XPO6: variants seen among roughly 807,000 people sequenced by gnomAD.
The protein encoded by XPO6 is exportin 6.
In XPO6, 3 loss-of-function variants were observed where a neutral mutation model predicts 130.0. The observed-to-expected ratio is 0.02, with a 90% CI of 0.01 to 0.06. The LOEUF is 0.06. Ranked by LOEUF, XPO6 falls within the 10% of genes least tolerant of loss-of-function variation. The probability of loss-of-function intolerance (pLI) is 1.00; values close to 1 mark genes in which losing one functional copy is unlikely to be tolerated. For synonymous variants in XPO6, 524 were observed against 548.9 expected (o/e 0.95, Z 0.63); for missense variants, 970 against 1,393.0 (o/e 0.70, Z 4.83).
chr16:28,128,724 G>T (rs574584298), intron 12 of XPO6, among the ~76,000 whole-genome samples: 1 of 152,056 alleles, frequency 6.6e-6, no homozygotes, highest in Non-Finnish European at 1.5e-5. Flanking sequence ...CCTGGACCTC[G>T]GCTGAATGCT....
intron 9 of XPO6, among the ~76,000 whole-genome samples, chr16:28,141,572 G>C (rs1436012473): frequency 6.6e-6 from 1 of 152,114 alleles, no homozygotes; most frequent in Non-Finnish European, 1.5e-5. Context: ...TCAAAATACA[G>C]ATCAGGATGA....
intron 2 of XPO6, 138 bp from the exon 3 acceptor site, chr16:28,177,470 TAGAA>T: frequency 1.9e-6 from 1 of 535,232 alleles, no homozygotes; most frequent in Non-Finnish European, 3.4e-6. Flanking sequence ...TTCTTTAAGA[TAGAA>T]AGAATAAATC....
rs531375929 is a variant in XPO6, at chr16:28,191,231, G to A, written c.4-10200C>T. On this transcript the variant is annotated intron_variant, in intron 1 of 23. Coordinates refer to ENST00000304658, the MANE Select transcript of XPO6 (RefSeq NM_015171.4). The stretch of plus-strand genomic sequence containing the variant: ...GGGCAACAAACCATATCCACTAGGA[G>A]CTAAAATACATATATTTTATATACT... 5.9e-5 allele frequency among the ~76,000 whole-genome samples: 9 copies of A among 152,226 alleles called. No individual in the cohort carries two copies. In the South Asian group the frequency reaches 1.9e-3, roughly 32 times the overall value.
chr16:28,170,066 C>CT (rs775667885), intron 4 of XPO6, among the ~76,000 whole-genome samples, 157 bp from the exon 5 acceptor site: 8 of 152,134 alleles, frequency 5.3e-5, no homozygotes, highest in Admixed American at 2.6e-4. Context: ...GCTCCAATGG[C>CT]TCACGCCTGT....
intron 1 of XPO6, among the ~76,000 whole-genome samples, chr16:28,203,618 T>C (rs2043984755): frequency 6.6e-6 from 1 of 152,208 alleles, no homozygotes; most frequent in Non-Finnish European, 1.5e-5. Flanking sequence ...TTACATGTTA[T>C]CGCTTCCATT....
chr16:28,211,417 A>G lies in XPO6; in HGVS notation c.-49T>C. ...AGATGAGCTGGTTCTTGGGCTTCGG[A>G]CACGTCCCGCTCGCACAGTTCAGGT... On this transcript the variant is annotated 5_prime_UTR_variant, in exon 1 of 24. Transcript: ENST00000304658. 1 of 1,311,148 alleles carries G rather than the reference A, an allele frequency of 7.6e-7. No individual in the cohort carries two copies. The highest frequency in any genetic ancestry group is 9.8e-7 in the Non-Finnish European group (1 of 1,021,246). The allele number at this position is 1,311,148 out of a possible 1,614,324, so 81.2% of individuals were successfully genotyped here. A position where few individuals can be genotyped will look rare whatever the true frequency, so the allele number is the denominator to read the frequency against.
At chr16:28,152,540 CATA>C in intron 8 of XPO6, 116 bp downstream of exon 8, 1 of 1,245,542 alleles carries the variant, frequency 8.0e-7, no homozygotes, top group South Asian at 1.6e-5. Context: ...TGACTCTTCA[CATA>C]ATAAGCATTA....
chr16:28,174,418 T>C (rs1400465641), intron 4 of XPO6, among the ~76,000 whole-genome samples: 6 of 152,158 alleles, frequency 3.9e-5, no homozygotes, highest in Admixed American at 3.3e-4. Context: ...TCCAAGTGTG[T>C]ACCTGTTTAT....
chr16:28,149,967 T>C (rs944160231), intron 8 of XPO6, among the ~76,000 whole-genome samples: 10 of 152,214 alleles, frequency 6.6e-5, no homozygotes, highest in Admixed American at 4.6e-4. Context: ...CTTGAGATCA[T>C]TTAATTTCTT....
intron 1 of XPO6, among the ~76,000 whole-genome samples, chr16:28,203,146 A>C (rs902113445): frequency 6.6e-6 from 1 of 152,090 alleles, no homozygotes; most frequent in Non-Finnish European, 1.5e-5. Flanking sequence ...ATGGTGATGC[A>C]TACGTATAGT....
intron 10 of XPO6, 93 bp downstream of exon 10, chr16:28,135,123 C>G: frequency 9.8e-7 from 1 of 1,022,516 alleles, no homozygotes. Context: ...TCAGAACAGT[C>G]TTCGGAGCAG....
intron 1 of XPO6, among the ~76,000 whole-genome samples, chr16:28,186,053 A>T (rs1000345430): frequency 3.3e-5 from 5 of 152,234 alleles, no homozygotes; most frequent in Non-Finnish European, 7.4e-5. Flanking sequence ...AGGGACTACT[A>T]AGTCCACCAA....
intron 1 of XPO6, among the ~76,000 whole-genome samples, chr16:28,196,689 T>C (rs2043869303): frequency 6.6e-6 from 1 of 152,154 alleles, no homozygotes; most frequent in Non-Finnish European, 1.5e-5. Flanking sequence ...GATAAAAAGA[T>C]TAATGCCCTC....
intron 12 of XPO6, 29 bp from the exon 13 acceptor site, chr16:28,125,877 C>T: frequency 6.2e-7 from 1 of 1,604,372 alleles, no homozygotes; most frequent in Non-Finnish European, 8.5e-7. Flanking sequence ...GACAGTTTTT[C>T]ACAGGAAGAC....
chr16:28,184,551 G>A (rs1365952970), intron 1 of XPO6, among the ~76,000 whole-genome samples: 2 of 150,770 alleles, frequency 1.3e-5, no homozygotes, highest in East Asian at 1.9e-4. Flanking sequence ...TCTGCAATAT[G>A]GAAACAGGGA....
intron 23 of XPO6, among the ~76,000 whole-genome samples, chr16:28,099,267 C>T (rs1182152550): frequency 6.6e-6 from 1 of 152,194 alleles, no homozygotes; most frequent in Non-Finnish European, 1.5e-5. Context: ...CTGACCTCCG[C>T]CATCATGCAC....
chr16:28,152,531 G>T (rs1453992494), intron 8 of XPO6, 128 bp downstream of exon 8: 1 of 1,156,376 alleles, frequency 8.6e-7, no homozygotes, highest in Non-Finnish European at 1.2e-6. Flanking sequence ...TTAAACCTGT[G>T]ACTCTTCACA....
At chr16:28,118,954 T>C (rs990285517) in intron 14 of XPO6, among the ~76,000 whole-genome samples, 1 of 152,208 alleles carries the variant, frequency 6.6e-6, no homozygotes, top group African/African-American at 2.4e-5. Context: ...TGCTACTGGA[T>C]TGTCACTGTT....
intron 17 of XPO6, 99 bp from the exon 18 acceptor site, chr16:28,107,776 G>C: frequency 7.5e-7 from 1 of 1,332,578 alleles, no homozygotes; most frequent in African/African-American, 1.4e-5. Context: ...AAGGTACCAA[G>C]AAGATGATCA....
Sources: gnomAD v4.1 joint callset for allele counts (sites outside exome capture counted in the v4.1 genomes callset) on GRCh38, gnomAD v4.1.1 for gene constraint, MANE v1.5 for transcripts, NCBI Gene and HGNC (gene_info 2026-07-23, HGNC 2026-07-21) for gene names.